DLGAP2: variants seen among roughly 807,000 people sequenced by gnomAD.
DLGAP2 encodes DLG associated protein 2.
In DLGAP2, 26 loss-of-function variants were observed where a neutral mutation model predicts 100.3. The ratio of observed to expected loss-of-function variants is 0.26; its 90% confidence interval spans 0.19 to 0.36. DLGAP2 has a LOEUF of 0.36. DLGAP2 is among the 10% of genes least tolerant of loss of function. The probability of loss-of-function intolerance (pLI) is 1.00; values close to 1 mark genes in which losing one functional copy is unlikely to be tolerated. For missense variants in DLGAP2, 1,858 were observed against 1,453.2 expected, an observed-to-expected ratio of 1.28 and a Z score of -4.53; for synonymous variants, 886 against 630.1, an observed-to-expected ratio of 1.41 and a Z score of -6.08.
intron 4 of DLGAP2, among the ~76,000 whole-genome samples, chr8:1,538,157 A>T (rs1455334751): frequency 6.6e-6 from 1 of 152,142 alleles, no homozygotes; most frequent in African/African-American, 2.4e-5. Flanking sequence ...TCCTCCCTGC[A>T]TTCCCTGCCT....
intron 2 of DLGAP2, among the ~76,000 whole-genome samples, chr8:919,512 G>T (rs1798664858): frequency 6.6e-6 from 1 of 152,194 alleles, no homozygotes; most frequent in South Asian, 2.1e-4. Flanking sequence ...GCTGGGCAGT[G>T]TTCATTTGCT....
chr8:1,479,856 A>C (rs1301167824), intron 3 of DLGAP2, among the ~76,000 whole-genome samples: 1 of 152,172 alleles, frequency 6.6e-6, no homozygotes, highest in Non-Finnish European at 1.5e-5. Flanking sequence ...CTTTGTTGGG[A>C]TGGAAAATGT....
intron 3 of DLGAP2, among the ~76,000 whole-genome samples, chr8:1,327,538 C>G (rs1319530059): frequency 6.6e-6 from 1 of 152,158 alleles, no homozygotes; most frequent in African/African-American, 2.4e-5. Context: ...GTTTAAATCT[C>G]TTGCAAGTGT....
chr8:1,317,533 G>A (rs377233666), intron 3 of DLGAP2, among the ~76,000 whole-genome samples: 3,614 of 135,572 alleles, frequency 0.027, 167 homozygotes, highest in Admixed American at 0.066. Flanking sequence ...GAGGCTGTGC[G>A]AGTGCAGCGT....
At chr8:1,489,771 C>G (rs1799324425) in intron 3 of DLGAP2, among the ~76,000 whole-genome samples, 1 of 152,218 alleles carries the variant, frequency 6.6e-6, no homozygotes, top group African/African-American at 2.4e-5. Context: ...TATACCAATT[C>G]TCACGTAACG....
chr8:1,097,499 T>G, intron 2 of DLGAP2, among the ~76,000 whole-genome samples: 1 of 134,272 alleles, frequency 7.4e-6, no homozygotes, highest in Non-Finnish European at 1.6e-5. Flanking sequence ...TCACCCTCTG[T>G]GGCATGGAGA....
At chr8:989,541 A>G (rs150914662) in intron 2 of DLGAP2, among the ~76,000 whole-genome samples, 298 of 152,070 alleles carry the variant, frequency 2.0e-3, no homozygotes, top group African/African-American at 6.6e-3. Flanking sequence ...ACTTTCTCAC[A>G]TGTCATGTGT....
rs1228842531 is a variant in DLGAP2 at position 1,164,306 on chromosome 8, T to C, written c.74-94545T>C. On this transcript the variant is annotated intron_variant, in intron 2 of 14. Transcript: ENST00000637795. ...GGACTGATTGTGAGCCCCCCAGGGT[T>C]TGTTTTTGTTTGTGGGGACAGATTT... Among the ~76,000 whole-genome samples, 20 of 71,090 alleles carry C rather than the reference T, an allele frequency of 2.8e-4. 3 individuals carry two copies. Among genetic ancestry groups the C allele is most frequent in the Non-Finnish European group, 5.9e-4 (18 of 30,462 alleles). 46.6% of individuals were successfully genotyped at this position (71,090 alleles called of 152,430 possible). A position where few individuals can be genotyped will look rare whatever the true frequency, so the allele number is the denominator to read the frequency against.
rs568729239 is a variant in DLGAP2 at position 929,952 on chromosome 8, A to T, written c.73+21986A>T. On this transcript the variant is annotated intron_variant, in intron 2 of 14. Transcript: ENST00000637795. ...TTGTTTTTTCACCTCAGAAATGTGT[A>T]TTTTTTTCTTCCTGCCATTGCAGTT... Among the ~76,000 whole-genome samples, 393 of 151,766 alleles carry T rather than the reference A, an allele frequency of 2.6e-3. 1 individual carries two copies. Among genetic ancestry groups the T allele is most frequent in the Non-Finnish European group, 4.4e-3 (297 of 67,930 alleles).
At chr8:1,574,705 G>C (rs536335202) in intron 6 of DLGAP2, among the ~76,000 whole-genome samples, 2 of 152,346 alleles carry the variant, frequency 1.3e-5, no homozygotes, top group Non-Finnish European at 2.9e-5. Flanking sequence ...ACTGTGCTGA[G>C]TTGATAAAGT....
At chr8:855,509 G>C (rs1480280870) in intron 1 of DLGAP2, among the ~76,000 whole-genome samples, 2 of 152,174 alleles carry the variant, frequency 1.3e-5, no homozygotes, top group African/African-American at 4.8e-5. Flanking sequence ...TTTCAAGAAG[G>C]AGGGTGTTTA....
chr8:1,523,403 G>A (rs923602737), intron 4 of DLGAP2, among the ~76,000 whole-genome samples: 11 of 152,244 alleles, frequency 7.2e-5, no homozygotes, highest in African/African-American at 2.2e-4. Context: ...CACGCCGGCC[G>A]AGCCACTGCT....
chr8:999,214 G>T (rs943828030), intron 2 of DLGAP2, among the ~76,000 whole-genome samples: 2 of 151,668 alleles, frequency 1.3e-5, no homozygotes, highest in African/African-American at 2.4e-5. Flanking sequence ...TTCTCCTCCC[G>T]TGTCGGTGGA....
rs528152209 is a variant in DLGAP2 at position 1,407,527 on chromosome 8, G to A, written c.107-93839G>A. ...CGCCACCTCCTCATCGTCCAGAGTC[G>A]TGTATTGAGTGCTTACTGAGCGCCA... On this transcript the variant is annotated intron_variant, in intron 3 of 14. Coordinates refer to ENST00000637795, the MANE Select transcript of DLGAP2 (RefSeq NM_001346810.2). 1.6e-4 allele frequency among the ~76,000 whole-genome samples: 22 copies of A among 140,452 alleles called. 1 individual carries two copies. The highest frequency in any genetic ancestry group is 2.6e-4 in the Non-Finnish European group (17 of 64,634). 92.1% of individuals were successfully genotyped at this position (140,452 alleles called of 152,430 possible).
chr8:1,101,769 CACGACG>C, intron 2 of DLGAP2, among the ~76,000 whole-genome samples: 11 of 32,576 alleles, frequency 3.4e-4, no homozygotes, highest in African/African-American at 1.5e-3. Context: ...CCGAACACGA[CACGACG>C]ATGGGAAGGT....
intron 1 of DLGAP2, among the ~76,000 whole-genome samples, chr8:837,345 A>G (rs553545210): frequency 7.4e-4 from 113 of 152,340 alleles, no homozygotes; most frequent in African/African-American, 2.6e-3. Flanking sequence ...TGTTCCAGCC[A>G]CTTTTCGTGG....
chr8:897,241 C>G (rs759417521), intron 1 of DLGAP2, among the ~76,000 whole-genome samples: 3 of 152,190 alleles, frequency 2.0e-5, no homozygotes, highest in Admixed American at 1.3e-4. Flanking sequence ...CCAAGCAACC[C>G]TGGTCCTGCC....
chr8:794,626 G>A (rs1795987675), intron 1 of DLGAP2, among the ~76,000 whole-genome samples: 1 of 151,864 alleles, frequency 6.6e-6, no homozygotes, highest in Admixed American at 6.6e-5. Flanking sequence ...GGGCAGGCCA[G>A]GTGTTCCTTG....
intron 6 of DLGAP2, among the ~76,000 whole-genome samples, chr8:1,605,708 C>T (rs891797613): frequency 6.6e-6 from 1 of 152,240 alleles, no homozygotes; most frequent in Non-Finnish European, 1.5e-5. Flanking sequence ...CGTTTGCTAA[C>T]TGTCCGAGCC....
Sources: gnomAD v4.1 joint callset for allele counts (sites outside exome capture counted in the v4.1 genomes callset) on GRCh38, gnomAD v4.1.1 for gene constraint, MANE v1.5 for transcripts, NCBI Gene and HGNC (gene_info 2026-07-23, HGNC 2026-07-21) for gene names.